MAML3: variants seen among roughly 807,000 people sequenced by gnomAD.
The protein encoded by MAML3 is mastermind-like protein 3.
A neutral mutation model predicts 101.9 loss-of-function variants in MAML3; 27 were observed. That is an observed-to-expected ratio of 0.27 (90% CI 0.20 to 0.37). MAML3 has a LOEUF of 0.37. Among genes scored for constraint, MAML3 ranks in the 10% least tolerant of loss-of-function variants. The pLI, the probability that MAML3 is intolerant of heterozygous loss-of-function variation, is 1.00. For synonymous variants in MAML3, 501 were observed against 555.9 expected (o/e 0.90, Z 1.39); for missense variants, 1,316 against 1,444.9 (o/e 0.91, Z 1.45).
intron 2 of MAML3, among the ~76,000 whole-genome samples, chr4:139,866,593 G>T (rs973245515): frequency 6.6e-6 from 1 of 152,106 alleles, no homozygotes; most frequent in Non-Finnish European, 1.5e-5. Context: ...ATCTATTTGC[G>T]GCAGTAACCA....
At chr4:139,772,628 C>T (rs1167712945) in intron 2 of MAML3, among the ~76,000 whole-genome samples, 1 of 151,590 alleles carries the variant, frequency 6.6e-6, no homozygotes, top group Non-Finnish European at 1.5e-5. Flanking sequence ...CAGGTGTGAG[C>T]CACTGCGCCT....
intron 2 of MAML3, among the ~76,000 whole-genome samples, chr4:139,826,834 CA>C (rs1272957446): frequency 2.0e-5 from 3 of 152,100 alleles, no homozygotes; most frequent in African/African-American, 7.2e-5. Context: ...CACCATCACA[CA>C]AAGATCCCTC....
rs532863106 is a variant in MAML3, at chr4:139,873,248, A to T, written c.2079+16109T>A. On this transcript the variant is annotated intron_variant, in intron 2 of 4. Coordinates refer to ENST00000509479, the MANE Select transcript of MAML3 (RefSeq NM_018717.5). ...AGGACTGCTAAGTGAAAGAAAAGAA[A>T]TTTCTGGTATGTTTGGAGCCTATGA... is the stretch of plus-strand genomic sequence containing the variant. Among the ~76,000 whole-genome samples the T allele has an allele frequency of 1.4e-4, 22 of 152,262 alleles. No homozygotes were observed. In the East Asian group the frequency reaches 3.1e-3, roughly 21 times the overall value.
intron 1 of MAML3, among the ~76,000 whole-genome samples, chr4:140,139,738 C>T (rs1235952852): frequency 6.6e-6 from 1 of 152,116 alleles, no homozygotes; most frequent in Non-Finnish European, 1.5e-5. Flanking sequence ...TATGAAATAA[C>T]TAGTATTCAA....
At chr4:140,065,704 G>C (rs1044530686) in intron 1 of MAML3, among the ~76,000 whole-genome samples, 5 of 152,194 alleles carry the variant, frequency 3.3e-5, no homozygotes, top group Non-Finnish European at 7.3e-5. Flanking sequence ...AAAGTTACAA[G>C]TTGTATTCCC....
At chr4:139,959,071 C>T (rs748328171) in intron 1 of MAML3, among the ~76,000 whole-genome samples, 8 of 152,114 alleles carry the variant, frequency 5.3e-5, no homozygotes, top group African/African-American at 9.7e-5. Context: ...AATCAAGGAG[C>T]GTGGTCTTTT....
chr4:139,857,851 A>T (rs1400962712), intron 2 of MAML3, among the ~76,000 whole-genome samples: 1 of 152,176 alleles, frequency 6.6e-6, no homozygotes, highest in Non-Finnish European at 1.5e-5. Context: ...TTAACCTTCC[A>T]TCATATGATT....
At chr4:139,725,953 A>C (rs1728457119) in intron 3 of MAML3, 118 bp from the exon 4 acceptor site, 1 of 792,426 alleles carries the variant, frequency 1.3e-6, no homozygotes, top group East Asian at 2.7e-5. Context: ...TTTGTGTTGA[A>C]GAATCATATG....
intron 1 of MAML3, among the ~76,000 whole-genome samples, chr4:139,896,068 T>C (rs1732598626): frequency 6.6e-6 from 1 of 152,194 alleles, no homozygotes; most frequent in South Asian, 2.1e-4. Flanking sequence ...TCCTTTGCTA[T>C]ATGGAAAGGT....
At chr4:139,910,898 G>C (rs890900571) in intron 1 of MAML3, among the ~76,000 whole-genome samples, 3 of 152,182 alleles carry the variant, frequency 2.0e-5, no homozygotes, top group Non-Finnish European at 4.4e-5. Flanking sequence ...ATTAGTAAAA[G>C]AAAATTTACC....
At chr4:139,767,217 G>A (rs992506920) in intron 2 of MAML3, among the ~76,000 whole-genome samples, 1 of 152,164 alleles carries the variant, frequency 6.6e-6, no homozygotes, top group Admixed American at 6.5e-5. Flanking sequence ...AGCTTGGCAC[G>A]GAATCTCTTT....
At chr4:139,772,740 T>C (rs1730021683) in intron 2 of MAML3, among the ~76,000 whole-genome samples, 1 of 152,132 alleles carries the variant, frequency 6.6e-6, no homozygotes, top group Non-Finnish European at 1.5e-5. Context: ...GTCAATGTTC[T>C]GTCACTGGAG....
In MAML3 at chr4:140,154,121, G is replaced by A; in HGVS notation, c.-794C>T. 1 of 182,108 alleles carries A rather than the reference G, an allele frequency of 5.5e-6. No homozygotes were observed. 11.3% of individuals were successfully genotyped at this position (182,108 alleles called of 1,614,324 possible). On this transcript the variant is annotated 5_prime_UTR_variant, in exon 1 of 5. Coordinates refer to ENST00000509479, the MANE Select transcript of MAML3 (RefSeq NM_018717.5). ...TGATCAACTGCTCGCCGCCGCCGCCGCCGCCGCCTCCTCCTCCTCCTCTCG... is the reference window on the plus strand; with the variant it reads ...TGATCAACTGCTCGCCGCCGCCGCCACCGCCGCCTCCTCCTCCTCCTCTCG...
intron 2 of MAML3, among the ~76,000 whole-genome samples, chr4:139,750,130 C>T (rs1407722800): frequency 6.6e-6 from 1 of 152,172 alleles, no homozygotes; most frequent in African/African-American, 2.4e-5. Flanking sequence ...GAATTCCAAA[C>T]CCCCAAGATA....
At chr4:140,060,222 C>T (rs6536666) in intron 1 of MAML3, among the ~76,000 whole-genome samples, 78,604 of 151,150 alleles carry the variant, frequency 0.52, 21,753 homozygotes, top group Middle Eastern at 0.61. Context: ...AAAAATTAGC[C>T]GAGTGTGGTG....
chr4:140,120,363 G>C (rs1386031778), intron 1 of MAML3, among the ~76,000 whole-genome samples: 2 of 151,812 alleles, frequency 1.3e-5, no homozygotes, highest in Admixed American at 1.3e-4. Flanking sequence ...CAAAAAGCTA[G>C]ATGATGTCTT....
intron 2 of MAML3, among the ~76,000 whole-genome samples, chr4:139,824,946 A>G (rs1323935315): frequency 6.6e-6 from 1 of 152,004 alleles, no homozygotes; most frequent in Non-Finnish European, 1.5e-5. Flanking sequence ...GATTTTCCAG[A>G]GGGACCATGC....
At chr4:139,935,928 T>C (rs889129037) in intron 1 of MAML3, among the ~76,000 whole-genome samples, 4 of 152,194 alleles carry the variant, frequency 2.6e-5, no homozygotes, top group African/African-American at 7.2e-5. Flanking sequence ...ATTTCAAGTA[T>C]ACAATACAGT....
intron 1 of MAML3, among the ~76,000 whole-genome samples, chr4:140,091,764 T>C (rs7691693): frequency 0.32 from 49,016 of 151,608 alleles, 8,553 homozygotes; most frequent in East Asian, 0.47. Context: ...ATCATCTTAA[T>C]GGCTGTTTAT....
Sources: gnomAD v4.1 joint callset for allele counts (sites outside exome capture counted in the v4.1 genomes callset) on GRCh38, gnomAD v4.1.1 for gene constraint, MANE v1.5 for transcripts, NCBI Gene and HGNC (gene_info 2026-07-23, HGNC 2026-07-21) for gene names.